KIAA1549L: variants seen among roughly 807,000 people sequenced by gnomAD.
The protein encoded by KIAA1549L is KIAA1549 like, also known as UPF0606 protein KIAA1549L.
KIAA1549L carries 88 observed loss-of-function variants against 160.7 expected under a neutral mutation model. The observed-to-expected ratio is 0.55, with a 90% CI of 0.46 to 0.65. The LOEUF is 0.65. KIAA1549L is among the 30% of genes least tolerant of loss of function. KIAA1549L has a pLI of 0.00. For synonymous variants in KIAA1549L, 950 were observed against 976.7 expected, an observed-to-expected ratio of 0.97 and a Z score of 0.51; for missense variants, 2,258 against 2,437.5, an observed-to-expected ratio of 0.93 and a Z score of 1.55.
At chr11:33,561,444 A>G (rs894328147) in intron 7 of KIAA1549L, among the ~76,000 whole-genome samples, 8 of 152,148 alleles carry the variant, frequency 5.3e-5, no homozygotes, top group Non-Finnish European at 1.2e-4. Flanking sequence ...GCCGCTTGCT[A>G]TTTTGTCACT....
At chr11:33,555,146 A>G (rs1854605794) in intron 6 of KIAA1549L, among the ~76,000 whole-genome samples, 1 of 96,650 alleles carries the variant, frequency 1.0e-5, no homozygotes, top group Non-Finnish European at 2.1e-5. Context: ...AATTTTTCTT[A>G]CAAAAAATTA....
chr11:33,481,366 C>A (rs943919571), intron 1 of KIAA1549L, among the ~76,000 whole-genome samples: 1 of 152,148 alleles, frequency 6.6e-6, no homozygotes, highest in Admixed American at 6.5e-5. Context: ...GCTAGTGGTA[C>A]ATGTAGAAGT....
chr11:33,598,679 C>A, intron 12 of KIAA1549L, 141 bp from the exon 13 acceptor site: 5 of 1,066,312 alleles, frequency 4.7e-6, no homozygotes, highest in Non-Finnish European at 6.6e-6. Flanking sequence ...TTGTTTTTTT[C>A]TTTTTCTGTA....
At chr11:33,568,371 G>A in intron 9 of KIAA1549L, 144 bp downstream of exon 9, 1 of 720,570 alleles carries the variant, frequency 1.4e-6, no homozygotes, top group East Asian at 3.1e-5. Context: ...GCTGCTCTTA[G>A]GTTTTGGGAA....
intron 10 of KIAA1549L, among the ~76,000 whole-genome samples, chr11:33,578,789 C>T (rs1487643537): frequency 6.6e-6 from 1 of 152,216 alleles, no homozygotes; most frequent in East Asian, 1.9e-4. Flanking sequence ...TTCCTTGGCG[C>T]CTGAGGCACA....
At chr11:33,613,339 G>T (rs1033877191) in intron 15 of KIAA1549L, among the ~76,000 whole-genome samples, 1 of 152,064 alleles carries the variant, frequency 6.6e-6, no homozygotes, top group Non-Finnish European at 1.5e-5. Flanking sequence ...TTTGATTTGC[G>T]TTTCTCTTGT....
At chr11:33,413,022 G>A (rs1421881940) in intron 1 of KIAA1549L, among the ~76,000 whole-genome samples, 2 of 152,100 alleles carry the variant, frequency 1.3e-5, no homozygotes, top group African/African-American at 2.4e-5. Flanking sequence ...GAAGCTTTTT[G>A]AAGAGGGAAT....
chr11:33,470,652 G>C (rs1222568208), intron 1 of KIAA1549L, among the ~76,000 whole-genome samples: 1 of 152,018 alleles, frequency 6.6e-6, no homozygotes, highest in Non-Finnish European at 1.5e-5. Context: ...TGTTGCCAAG[G>C]CTGGTCTTGA....
At chr11:33,422,316 A>G (rs930623385) in intron 1 of KIAA1549L, among the ~76,000 whole-genome samples, 2 of 152,048 alleles carry the variant, frequency 1.3e-5, no homozygotes, top group South Asian at 2.1e-4. Context: ...TCCTTCCCCA[A>G]TACATTGTAT....
intron 6 of KIAA1549L, among the ~76,000 whole-genome samples, chr11:33,556,141 C>CA (rs1565184607): frequency 6.6e-6 from 1 of 152,080 alleles, no homozygotes; most frequent in Non-Finnish European, 1.5e-5. Context: ...TGGCTATTCT[C>CA]AAAAAATGGA....
At chr11:33,530,714 T>C (rs1039838341) in intron 1 of KIAA1549L, among the ~76,000 whole-genome samples, 16 of 151,886 alleles carry the variant, frequency 1.1e-4, no homozygotes, top group African/African-American at 3.6e-4. Flanking sequence ...AAAGAGGTCA[T>C]TGTGGCCGCC....
At chr11:33,472,772 T>C (rs1336710772) in intron 1 of KIAA1549L, among the ~76,000 whole-genome samples, 3 of 152,220 alleles carry the variant, frequency 2.0e-5, no homozygotes, top group African/African-American at 7.2e-5. Context: ...CAGTCCGTAT[T>C]ATATCCATGT....
rs530444170 is a variant in KIAA1549L at position 33,643,353 on chromosome 11, C to T, written c.5410-2333C>T. Among the ~76,000 whole-genome samples, 10 of 152,270 alleles carry T rather than the reference C, an allele frequency of 6.6e-5. No individual in the cohort carries two copies. In the South Asian group the frequency reaches 1.9e-3, roughly 28 times the overall value. The stretch of plus-strand genomic sequence containing the variant: ...TCACCCACCCCCAGTACTACCCCAC[C>T]CCAGGGCTCTTGGGGCAGTGGGAAT... On this transcript the variant is annotated intron_variant, in intron 16 of 20. Transcript: ENST00000658780.
At chr11:33,408,102 G>GA (rs1170485002) in intron 1 of KIAA1549L, among the ~76,000 whole-genome samples, 1 of 151,982 alleles carries the variant, frequency 6.6e-6, no homozygotes, top group African/African-American at 2.4e-5. Flanking sequence ...CTTTCTGGAG[G>GA]AAAAAACCTC....
At chr11:33,609,576 G>T (rs144405647) in intron 14 of KIAA1549L, among the ~76,000 whole-genome samples, 173 bp from the exon 15 acceptor site, 1 of 152,206 alleles carries the variant, frequency 6.6e-6, no homozygotes, top group Non-Finnish European at 1.5e-5. Context: ...AGTATCTATA[G>T]TCTACTGTTG....
chr11:33,671,233 G>C lies in KIAA1549L; in HGVS notation c.*3079G>C, dbSNP rs576376101. The C allele has an allele frequency of 1.8e-4, 28 of 152,310 alleles. No individual in the cohort carries two copies. Among genetic ancestry groups the C allele is most frequent in the African/African-American group, 6.5e-4 (27 of 41,576 alleles). The allele number at this position is 152,310 out of a possible 1,614,324, so 9.4% of individuals were successfully genotyped here. On this transcript the variant is annotated 3_prime_UTR_variant, in exon 21 of 21. Transcript: ENST00000658780. ...GACCTCAACTGCTGTTCTAGACTGT[G>C]GGGGTGCATTCCTGTCTCAGCACCA...
chr11:33,656,171 C>G, intron 18 of KIAA1549L, 62 bp downstream of exon 18: 1 of 1,284,508 alleles, frequency 7.8e-7, no homozygotes, highest in Admixed American at 1.9e-5. Flanking sequence ...CCTATGTACC[C>G]TGACCTGACA....
intron 11 of KIAA1549L, among the ~76,000 whole-genome samples, chr11:33,584,108 G>A (rs1315076688): frequency 6.6e-6 from 1 of 152,196 alleles, no homozygotes; most frequent in African/African-American, 2.4e-5. Context: ...GAAGACACAA[G>A]ACATTGGCAG....
At position 33,614,553 on chromosome 11, in the gene KIAA1549L, TATATATATATATATATATATATATATATA is replaced by T. The variant is rs1564924741; in HGVS notation, c.5280-3979_5280-3951del. On this transcript the variant is annotated intron_variant, in intron 15 of 20. Transcript: ENST00000658780. ...CAAGATATATATATATATATATATA[TATATATATATATATATATATATATATATA>T]TATTTTTTTTTTTTTTTTTTTTTTT... 2.1e-3 allele frequency among the ~76,000 whole-genome samples: 28 copies of T among 13,218 alleles called. 1 individual carries two copies. The highest frequency in any genetic ancestry group is 9.0e-3 in the African/African-American group (18 of 1,998). The allele number at this position is 13,218 out of a possible 152,430, so 8.7% of individuals were successfully genotyped here.
Sources: gnomAD v4.1 joint callset for allele counts (sites outside exome capture counted in the v4.1 genomes callset) on GRCh38, gnomAD v4.1.1 for gene constraint, MANE v1.5 for transcripts, NCBI Gene and HGNC (gene_info 2026-07-23, HGNC 2026-07-21) for gene names.